The following PRKG1 variants were observed in gnomAD, a reference collection of about 807,000 sequenced individuals.
PRKG1 encodes protein kinase cGMP-dependent 1, also known as cGMP-dependent protein kinase 1.
PRKG1 carries 35 observed loss-of-function variants against 88.1 expected under a neutral mutation model. That is an observed-to-expected ratio of 0.40 (90% CI 0.30 to 0.53). PRKG1 has a LOEUF of 0.53. PRKG1 is among the 20% of genes least tolerant of loss of function. The pLI is 0.59. For missense variants in PRKG1, 540 were observed against 839.8 expected (o/e 0.64, Z 4.41); for synonymous variants, 303 against 292.5 (o/e 1.04, Z -0.37).
At chr10:51,912,700 T>C (rs1842245599) in intron 5 of PRKG1, among the ~76,000 whole-genome samples, 1 of 152,094 alleles carries the variant, frequency 6.6e-6, no homozygotes, top group African/African-American at 2.4e-5. Flanking sequence ...CTGGGGAATC[T>C]TGTTATGAAA....
intron 2 of PRKG1, among the ~76,000 whole-genome samples, chr10:51,205,967 A>C (rs1433414361): frequency 6.6e-6 from 1 of 152,164 alleles, no homozygotes; most frequent in Non-Finnish European, 1.5e-5. Context: ...ACTGGTAAAC[A>C]TGTGTGGATG....
intron 7 of PRKG1, among the ~76,000 whole-genome samples, chr10:52,123,373 T>C (rs1004885065): frequency 5.3e-5 from 8 of 152,164 alleles, no homozygotes; most frequent in African/African-American, 1.9e-4. Flanking sequence ...ACAGCACTTA[T>C]AATTTTTCTG....
At chr10:51,584,852 A>G (rs989078527) in intron 3 of PRKG1, among the ~76,000 whole-genome samples, 1 of 152,150 alleles carries the variant, frequency 6.6e-6, no homozygotes, top group African/African-American at 2.4e-5. Flanking sequence ...CTGCAGCATC[A>G]TATAACCTAC....
intron 3 of PRKG1, among the ~76,000 whole-genome samples, chr10:51,676,211 TA>T (rs111390025): frequency 0.22 from 33,941 of 151,850 alleles, 3,989 homozygotes; most frequent in Non-Finnish European, 0.26. Flanking sequence ...TCAAATTAAT[TA>T]AAATTATATT....
chr10:52,167,456 T>C (rs1838515626), intron 9 of PRKG1, among the ~76,000 whole-genome samples: 1 of 152,080 alleles, frequency 6.6e-6, no homozygotes, highest in Admixed American at 6.5e-5. Flanking sequence ...CATATCAGCA[T>C]CTTCATATTA....
intron 3 of PRKG1, among the ~76,000 whole-genome samples, chr10:51,784,164 G>A (rs1838669797): frequency 6.6e-6 from 1 of 152,076 alleles, no homozygotes; most frequent in African/African-American, 2.4e-5. Context: ...CATCTCCACA[G>A]CAATCATTTC....
intron 5 of PRKG1, among the ~76,000 whole-genome samples, chr10:51,955,239 C>A (rs551897601): frequency 1.3e-5 from 2 of 152,216 alleles, no homozygotes; most frequent in East Asian, 1.9e-4. Flanking sequence ...ATTGGCAACA[C>A]TTTCCACGGG....
intron 3 of PRKG1, among the ~76,000 whole-genome samples, chr10:51,553,210 T>C (rs918117697): frequency 1.3e-5 from 2 of 151,656 alleles, no homozygotes; most frequent in African/African-American, 2.4e-5. Flanking sequence ...TTTTAAGAGG[T>C]ACAGGAAGGA....
intron 2 of PRKG1, among the ~76,000 whole-genome samples, chr10:51,324,994 C>G (rs1041998068): frequency 6.6e-6 from 1 of 152,170 alleles, no homozygotes; most frequent in Non-Finnish European, 1.5e-5. Context: ...TACACTCCCA[C>G]CAACAGCATA....
rs527400015 is a variant in PRKG1, at chr10:51,702,895, G to A, written c.593-101690G>A. On this transcript the variant is annotated intron_variant, in intron 3 of 17. Coordinates refer to ENST00000373980, the MANE Select transcript of PRKG1 (RefSeq NM_006258.4). ...CGTTTTGTAGAGACGGGGTTTCACC[G>A]TGTTGGCCAGGCTGGTCTTGAACTC... 5.3e-5 allele frequency among the ~76,000 whole-genome samples: 8 copies of A among 151,972 alleles called. No homozygotes were observed. The East Asian group carries it at 1.4e-3, about 26-fold the overall frequency.
At chr10:51,082,142 T>A (rs757219433) in intron 1 of PRKG1, among the ~76,000 whole-genome samples, 75 of 152,064 alleles carry the variant, frequency 4.9e-4, no homozygotes, top group Non-Finnish European at 1.0e-3. Context: ...GAAAAAGAAC[T>A]CTGGGGCGCA....
intron 4 of PRKG1, among the ~76,000 whole-genome samples, chr10:51,896,260 A>T (rs1018089615): frequency 2.6e-5 from 4 of 152,202 alleles, no homozygotes; most frequent in African/African-American, 9.6e-5. Context: ...CAGCATTCAG[A>T]ACATTTTGCA....
intron 2 of PRKG1, among the ~76,000 whole-genome samples, chr10:51,385,164 A>G (rs1317919949): frequency 6.6e-6 from 1 of 152,196 alleles, no homozygotes. Context: ...TTGGTTGGGT[A>G]ATGCGATACA....
chr10:51,491,888 A>G (rs1477621170), intron 3 of PRKG1, among the ~76,000 whole-genome samples: 1 of 152,074 alleles, frequency 6.6e-6, no homozygotes, highest in Non-Finnish European at 1.5e-5. Flanking sequence ...AGTCTTGTAG[A>G]AGTCATCCTA....
intron 3 of PRKG1, among the ~76,000 whole-genome samples, chr10:51,766,097 C>T (rs1044232392): frequency 6.6e-6 from 1 of 152,048 alleles, no homozygotes; most frequent in African/African-American, 2.4e-5. Flanking sequence ...TTCTTTGTCT[C>T]ATGGCCAAAA....
chr10:51,057,173 A>T (rs1017623398), intron 1 of PRKG1, among the ~76,000 whole-genome samples: 1 of 152,238 alleles, frequency 6.6e-6, no homozygotes, highest in Non-Finnish European at 1.5e-5. Flanking sequence ...ACACACATAC[A>T]TATGATGGCC....
chr10:51,678,833 G>A (rs909332594), intron 3 of PRKG1, among the ~76,000 whole-genome samples: 1 of 152,168 alleles, frequency 6.6e-6, no homozygotes, highest in African/African-American at 2.4e-5. Context: ...ACAGTGGCTG[G>A]ATGTTCCACA....
chr10:51,782,570 C>T (rs1465050043), intron 3 of PRKG1, among the ~76,000 whole-genome samples: 1 of 152,092 alleles, frequency 6.6e-6, no homozygotes, highest in Admixed American at 6.6e-5. Flanking sequence ...GACTCTGTGT[C>T]CCAACTCAAA....
At chr10:51,202,968 T>G (rs1837951403) in intron 2 of PRKG1, among the ~76,000 whole-genome samples, 1 of 152,068 alleles carries the variant, frequency 6.6e-6, no homozygotes, top group African/African-American at 2.4e-5. Context: ...AAAATGAGAG[T>G]TGGAGAGACC....
Sources: gnomAD v4.1 joint callset for allele counts (sites outside exome capture counted in the v4.1 genomes callset) on GRCh38, gnomAD v4.1.1 for gene constraint, MANE v1.5 for transcripts, NCBI Gene and HGNC (gene_info 2026-07-23, HGNC 2026-07-21) for gene names.